The following ZCCHC7 variants were observed in gnomAD, a reference collection of about 807,000 sequenced individuals.
The protein encoded by ZCCHC7 is zinc finger CCHC-type containing 7, also known as zinc finger CCHC domain-containing protein 7.
In ZCCHC7, 35 loss-of-function variants were observed where a neutral mutation model predicts 52.0. The observed-to-expected ratio is 0.67, with a 90% confidence interval of 0.51 to 0.89. ZCCHC7 has a LOEUF of 0.89. Ranked by LOEUF, ZCCHC7 falls within the 40% of genes least tolerant of loss-of-function variation. ZCCHC7 has a pLI of 0.00. For synonymous variants in ZCCHC7, 217 were observed against 221.5 expected, an observed-to-expected ratio of 0.98 and a Z score of 0.18; for missense variants, 574 against 649.1, an observed-to-expected ratio of 0.88 and a Z score of 1.26.
intron 2 of ZCCHC7, among the ~76,000 whole-genome samples, chr9:37,289,761 C>G (rs1828444169): frequency 1.3e-5 from 2 of 152,128 alleles, no homozygotes; most frequent in African/African-American, 2.4e-5. Flanking sequence ...CCTTCATAAA[C>G]TAATACCTCT....
chr9:37,339,250 C>T (rs1017415160), intron 6 of ZCCHC7, among the ~76,000 whole-genome samples: 1 of 152,088 alleles, frequency 6.6e-6, no homozygotes, highest in Non-Finnish European at 1.5e-5. Context: ...CCTAGTATTC[C>T]TGAAAGGGAA....
chr9:37,328,364 A>G (rs1830331114), intron 6 of ZCCHC7, among the ~76,000 whole-genome samples: 1 of 152,028 alleles, frequency 6.6e-6, no homozygotes, highest in African/African-American at 2.4e-5. Flanking sequence ...CATTCAAGTT[A>G]TTCAATTCCT....
intron 1 of ZCCHC7, among the ~76,000 whole-genome samples, chr9:37,122,874 T>A (rs1265727838): frequency 1.3e-5 from 2 of 152,108 alleles, no homozygotes; most frequent in African/African-American, 4.8e-5. Context: ...GAGGAGGAGG[T>A]TGCAGTGAGC....
intron 5 of ZCCHC7, among the ~76,000 whole-genome samples, chr9:37,316,578 G>A (rs1829833324): frequency 6.6e-6 from 1 of 151,840 alleles, no homozygotes; most frequent in South Asian, 2.1e-4. Context: ...GCCCGTCTCA[G>A]CGTCCCAAAG....
intron 2 of ZCCHC7, among the ~76,000 whole-genome samples, chr9:37,159,533 A>G (rs1414946711): frequency 6.6e-6 from 1 of 152,102 alleles, no homozygotes; most frequent in Non-Finnish European, 1.5e-5. Flanking sequence ...GAACCTTTTG[A>G]TTTTGTTGGG....
chr9:37,315,503 ATAT>A (rs1412853382), intron 5 of ZCCHC7, among the ~76,000 whole-genome samples: 12 of 152,070 alleles, frequency 7.9e-5, no homozygotes, highest in African/African-American at 1.7e-4. Context: ...ATAATAATAA[ATAT>A]TATGAGCTAA....
chr9:37,342,962 C>T (rs1253626791), intron 6 of ZCCHC7, among the ~76,000 whole-genome samples: 3 of 152,184 alleles, frequency 2.0e-5, no homozygotes, highest in South Asian at 2.1e-4. Flanking sequence ...TGCCCCCAGT[C>T]GTTAAAATAC....
intron 2 of ZCCHC7, among the ~76,000 whole-genome samples, chr9:37,283,960 A>G (rs1301723685): frequency 1.3e-5 from 2 of 151,566 alleles, no homozygotes; most frequent in Non-Finnish European, 2.9e-5. Context: ...TTCATTTTAT[A>G]CTTTCAGACA....
At chr9:37,220,258 C>T (rs1339109295) in intron 2 of ZCCHC7, among the ~76,000 whole-genome samples, 7 of 152,002 alleles carry the variant, frequency 4.6e-5, no homozygotes, top group Non-Finnish European at 7.4e-5. Context: ...GGAAGGGCAT[C>T]GGCCAGGCGT....
chr9:37,263,072 T>G (rs371796893), intron 2 of ZCCHC7, among the ~76,000 whole-genome samples: 14 of 152,234 alleles, frequency 9.2e-5, no homozygotes, highest in African/African-American at 3.1e-4. Flanking sequence ...TAATTCATGT[T>G]GTACATGAGT....
chr9:37,314,635 G>T (rs1406906170), intron 5 of ZCCHC7, among the ~76,000 whole-genome samples: 2 of 151,816 alleles, frequency 1.3e-5, no homozygotes, highest in African/African-American at 4.8e-5. Context: ...ATAGATCCCT[G>T]GATGTGGTGG....
At chr9:37,167,683 G>T (rs1361038177) in intron 2 of ZCCHC7, among the ~76,000 whole-genome samples, 1 of 152,068 alleles carries the variant, frequency 6.6e-6, no homozygotes, top group East Asian at 1.9e-4. Flanking sequence ...TTTGTTCTAG[G>T]ATAAAATTAA....
intron 2 of ZCCHC7, among the ~76,000 whole-genome samples, chr9:37,150,959 T>G (rs934908671): frequency 2.7e-5 from 4 of 147,222 alleles, no homozygotes; most frequent in Non-Finnish European, 4.4e-5. Flanking sequence ...TTCTGTGGGG[T>G]TTTTTTGTTT....
intron 2 of ZCCHC7, among the ~76,000 whole-genome samples, chr9:37,184,687 TTTGTTGTTG>T (rs56220914): frequency 3.3e-4 from 50 of 150,468 alleles, no homozygotes; most frequent in Non-Finnish European, 4.1e-4. Flanking sequence ...TGTCTGGTGA[TTTGTTGTTG>T]TTGTTGTTGT....
At chr9:37,212,026 CAAAAAAAAAAAAAAAAAAAAAAA>C (rs574190937) in intron 2 of ZCCHC7, among the ~76,000 whole-genome samples, 183 of 55,428 alleles carry the variant, frequency 3.3e-3, no homozygotes, top group African/African-American at 6.4e-3. Flanking sequence ...GACTCCGTCT[CAAAAAAAAAAAAAAAAAAAAAAA>C]AAAAAAAAAA....
intron 2 of ZCCHC7, among the ~76,000 whole-genome samples, chr9:37,167,895 C>T (rs1027764273): frequency 1.3e-5 from 2 of 152,176 alleles, no homozygotes; most frequent in African/African-American, 4.8e-5. Flanking sequence ...TGGTACTATT[C>T]TCTGTAATCC....
intron 2 of ZCCHC7, among the ~76,000 whole-genome samples, chr9:37,277,311 T>TAC (rs1023810599): frequency 6.6e-6 from 1 of 152,158 alleles, no homozygotes; most frequent in Admixed American, 6.5e-5. Context: ...AATGTTTATA[T>TAC]ACACACACAT....
intron 2 of ZCCHC7, among the ~76,000 whole-genome samples, chr9:37,231,536 T>C (rs759947297): frequency 1.3e-5 from 2 of 152,236 alleles, no homozygotes; most frequent in Non-Finnish European, 2.9e-5. Context: ...GCCACCTTCC[T>C]GAAAATTATA....
intron 2 of ZCCHC7, among the ~76,000 whole-genome samples, chr9:37,146,009 A>G (rs1843418716): frequency 6.6e-6 from 1 of 151,926 alleles, no homozygotes; most frequent in Non-Finnish European, 1.5e-5. Flanking sequence ...AGGCTGATTC[A>G]GACTTGGTAT....
Sources: gnomAD v4.1 joint callset for allele counts (sites outside exome capture counted in the v4.1 genomes callset) on GRCh38, gnomAD v4.1.1 for gene constraint, MANE v1.5 for transcripts, NCBI Gene and HGNC (gene_info 2026-07-23, HGNC 2026-07-21) for gene names.